Variants in INPP5A observed in about 807,000 individuals in gnomAD.
INPP5A encodes the protein inositol polyphosphate-5-phosphatase A.
Under a neutral mutation model 65.2 loss-of-function variants are expected in INPP5A, and 14 were observed. The observed-to-expected ratio is 0.21, with a 90% confidence interval of 0.14 to 0.34. The LOEUF is 0.34. Among genes scored for constraint, INPP5A ranks in the 10% least tolerant of loss-of-function variants. INPP5A has a pLI of 1.00. For synonymous variants in INPP5A, 207 were observed against 208.3 expected (o/e 0.99, Z 0.05); for missense variants, 431 against 545.6 (o/e 0.79, Z 2.09).
In INPP5A at chr10:132,718,971, C is replaced by T. The variant is rs1438574130; in HGVS notation, c.648-7850C>T. Among the ~76,000 whole-genome samples, 200 of 115,614 alleles carry T rather than the reference C, an allele frequency of 1.7e-3. 4 individuals carry two copies. Among genetic ancestry groups the T allele is most frequent in the Non-Finnish European group, 3.0e-3 (169 of 55,870 alleles). The allele number at this position is 115,614 out of a possible 152,430, so 75.8% of individuals were successfully genotyped here. A position where few individuals can be genotyped will look rare whatever the true frequency, so the allele number is the denominator to read the frequency against. The stretch of plus-strand genomic sequence containing the variant: ...CTGGGCGCCTTAGACGACTGTCTTG[C>T]GGGTTCTGTGGTACCTGGGTTCTGT... On this transcript the variant is annotated intron_variant, in intron 8 of 15. Transcript: ENST00000368594.
intron 1 of INPP5A, among the ~76,000 whole-genome samples, chr10:132,578,874 T>G (rs2133296566): frequency 6.6e-6 from 1 of 152,136 alleles, no homozygotes; most frequent in East Asian, 1.9e-4. Context: ...GCCGTAGTCT[T>G]AGGGAGGGTG....
chr10:132,635,577 AG>A (rs1014793753), intron 2 of INPP5A, among the ~76,000 whole-genome samples: 12 of 151,154 alleles, frequency 7.9e-5, no homozygotes, highest in African/African-American at 2.9e-4. Context: ...TTGTATTTTT[AG>A]TAGAGATGGG....
At chr10:132,766,847 C>G (rs1023177922) in intron 12 of INPP5A, among the ~76,000 whole-genome samples, 2 of 147,458 alleles carry the variant, frequency 1.4e-5, no homozygotes, top group African/African-American at 4.9e-5. Flanking sequence ...AGATTGGGAG[C>G]TGGAGGTGCG....
rs114338955 is a variant in INPP5A at position 132,685,564 on chromosome 10, C to T, written c.307-4828C>T. ...TGTGCTTTGGTCGTTCACCTGATTG[C>T]GGAAATGATAAATTACCGGCCATCT... is the stretch of plus-strand genomic sequence containing the variant. On this transcript the variant is annotated intron_variant, in intron 4 of 15. Coordinates refer to ENST00000368594, the MANE Select transcript of INPP5A (RefSeq NM_005539.5). 4.5e-3 allele frequency among the ~76,000 whole-genome samples: 689 copies of T among 152,354 alleles called. 4 individuals carry two copies. Among genetic ancestry groups the T allele is most frequent in the African/African-American group, 0.011 (437 of 41,570 alleles).
At chr10:132,623,957 G>A (rs1654569535) in intron 2 of INPP5A, among the ~76,000 whole-genome samples, 1 of 152,310 alleles carries the variant, frequency 6.6e-6, no homozygotes, top group East Asian at 1.9e-4. Flanking sequence ...ATCAGTACGT[G>A]CCTATTAGAC....
intron 9 of INPP5A, among the ~76,000 whole-genome samples, chr10:132,732,012 C>T (rs773659739): frequency 8.5e-5 from 13 of 152,304 alleles, no homozygotes; most frequent in Non-Finnish European, 1.3e-4. Context: ...GGGGAGCCCC[C>T]GGCACCCCAG....
At chr10:132,646,411 C>A (rs73383161) in intron 3 of INPP5A, among the ~76,000 whole-genome samples, 3,889 of 152,274 alleles carry the variant, frequency 0.026, 66 homozygotes, top group African/African-American at 0.041. Context: ...TGTATTCCCA[C>A]TGTACATGCC....
chr10:132,628,463 C>CGGGGGGGGGG lies in INPP5A; in HGVS notation c.118-17399_118-17390dup, dbSNP rs55668291. On this transcript the variant is annotated intron_variant, in intron 2 of 15. Coordinates refer to ENST00000368594, the MANE Select transcript of INPP5A (RefSeq NM_005539.5). ...TCTCCCTCCAGATGTGCTCTGGTGG[C>CGGGGGGGGGG]GGGGGGGGGGGGGGGCGTGGCGTGG... is the stretch of plus-strand genomic sequence containing the variant. Among the ~76,000 whole-genome samples, 9 of 23,312 alleles carry CGGGGGGGGGG rather than the reference C, an allele frequency of 3.9e-4. 1 individual carries two copies. Among genetic ancestry groups the CGGGGGGGGGG allele is most frequent in the Non-Finnish European group, 6.9e-4 (7 of 10,118 alleles). The allele number at this position is 23,312 out of a possible 152,430, so 15.3% of individuals were successfully genotyped here. A position where few individuals can be genotyped will look rare whatever the true frequency, so the allele number is the denominator to read the frequency against.
chr10:132,570,478 G>A (rs1340807760), intron 1 of INPP5A, among the ~76,000 whole-genome samples: 1 of 152,272 alleles, frequency 6.6e-6, no homozygotes, highest in Non-Finnish European at 1.5e-5. Flanking sequence ...CTGGGGAGGG[G>A]AGAAAGGGGT....
At chr10:132,691,725 A>C (rs1008661541) in intron 5 of INPP5A, among the ~76,000 whole-genome samples, 11 of 152,356 alleles carry the variant, frequency 7.2e-5, no homozygotes, top group Admixed American at 5.9e-4. Context: ...GTGGGCAGCG[A>C]GCATGTCCTG....
intron 4 of INPP5A, among the ~76,000 whole-genome samples, chr10:132,653,912 G>A (rs896215685): frequency 8.5e-5 from 13 of 152,238 alleles, no homozygotes; most frequent in African/African-American, 2.7e-4. Context: ...TCAAGAAGCC[G>A]CTGTGTACTT....
chr10:132,607,865 G>A, intron 1 of INPP5A, 50 bp from the exon 2 acceptor site: 6 of 1,559,244 alleles, frequency 3.8e-6, no homozygotes, highest in Non-Finnish European at 5.3e-6. Flanking sequence ...GCTCTGTTTA[G>A]GGCTGTGCCA....
rs917005920 is a variant in INPP5A, at chr10:132,659,226, A to G, written c.306+8721A>G. 8.5e-5 allele frequency among the ~76,000 whole-genome samples: 13 copies of G among 152,222 alleles called. No homozygotes were observed. Reference sequence around the variant, plus strand: ...GGGTTCAGATTGAGGCCTGGGGCTGAGGAAGCAGGAAGTCCTGTCAGGAGC... The same window carrying G: ...GGGTTCAGATTGAGGCCTGGGGCTGGGGAAGCAGGAAGTCCTGTCAGGAGC... On this transcript the variant is annotated intron_variant, in intron 4 of 15. Coordinates refer to ENST00000368594, the MANE Select transcript of INPP5A (RefSeq NM_005539.5). This position sits in a 1 kb window ranked among gnomAD's most constrained non-coding sequence, Gnocchi z 5.5.
In INPP5A at chr10:132,587,776, C is replaced by T. The variant is rs1052438974; in HGVS notation, c.76-20139C>T. Among the ~76,000 whole-genome samples, 2 of 151,590 alleles carry T rather than the reference C, an allele frequency of 1.3e-5. No homozygotes were observed. The highest frequency in any genetic ancestry group is 4.2e-4 in the South Asian group (2 of 4,804). ...CCCCCAGCACTTTGGGAGGCCGAGG[C>T]GAGGCGGGCAGATTATCTGAGGCCA... On this transcript the variant is annotated intron_variant, in intron 1 of 15. Coordinates refer to ENST00000368594, the MANE Select transcript of INPP5A (RefSeq NM_005539.5). This position sits in a 1 kb window ranked among gnomAD's most constrained non-coding sequence, Gnocchi z 4.3.
At chr10:132,757,233 A>C (rs1039140578) in intron 11 of INPP5A, among the ~76,000 whole-genome samples, 5 of 152,232 alleles carry the variant, frequency 3.3e-5, no homozygotes, top group Non-Finnish European at 7.3e-5. Flanking sequence ...GCATTTCTAA[A>C]GTCTGCAGTG....
chr10:132,627,902 C>T lies in INPP5A; in HGVS notation c.118-17966C>T, dbSNP rs750162498. ...GGGGGAGGTGCCCAGGCTGGAGTGG[C>T]GGCGTCGGGTGTGGAGAGAAACTGG... On this transcript the variant is annotated intron_variant, in intron 2 of 15. Coordinates refer to ENST00000368594, the MANE Select transcript of INPP5A (RefSeq NM_005539.5). The surrounding 1 kb of genome is among the most constrained non-coding windows in gnomAD (Gnocchi z 6.6). 3.4e-4 allele frequency among the ~76,000 whole-genome samples: 51 copies of T among 151,956 alleles called. No individual in the cohort carries two copies. The highest frequency in any genetic ancestry group is 6.2e-4 in the Non-Finnish European group (42 of 67,984).
intron 9 of INPP5A, among the ~76,000 whole-genome samples, chr10:132,747,879 T>C (rs962112466): frequency 1.3e-5 from 2 of 152,118 alleles, no homozygotes; most frequent in African/African-American, 4.8e-5. Context: ...TGAGACCCTG[T>C]CTCTACAAAA....
intron 1 of INPP5A, among the ~76,000 whole-genome samples, chr10:132,548,545 C>T (rs1216513738): frequency 1.3e-5 from 2 of 152,174 alleles, no homozygotes; most frequent in Non-Finnish European, 2.9e-5. Flanking sequence ...GGTTCACTGA[C>T]TTTGAGAAAA....
At chr10:132,564,587 G>T (rs745863952) in intron 1 of INPP5A, among the ~76,000 whole-genome samples, 1 of 152,196 alleles carries the variant, frequency 6.6e-6, no homozygotes, top group Non-Finnish European at 1.5e-5. Context: ...ACAGTTCAGT[G>T]TTATTGGAGT....
Sources: allele counts gnomAD v4.1 joint callset (sites outside exome capture counted in the v4.1 genomes callset), GRCh38; gene constraint gnomAD v4.1.1; non-coding constraint Gnocchi (gnomAD v3.1); transcripts MANE v1.5; gene names NCBI Gene and HGNC (gene_info 2026-07-23, HGNC 2026-07-21).